The following LGR5 variants were observed in gnomAD, a reference collection of about 807,000 sequenced individuals.
LGR5 encodes the protein leucine rich repeat containing G protein-coupled receptor 5, also known as leucine-rich repeat-containing G protein-coupled receptor 5.
A neutral mutation model predicts 76.7 loss-of-function variants in LGR5; 54 were observed. That is an observed-to-expected ratio of 0.70 (90% CI 0.57 to 0.88). LGR5 has a LOEUF of 0.88. LGR5 is among the 40% of genes least tolerant of loss of function. LGR5 has a pLI of 0.00. For missense variants in LGR5, 1,078 were observed against 1,073.3 expected, an observed-to-expected ratio of 1.00 and a Z score of -0.06; for synonymous variants, 406 against 421.9, an observed-to-expected ratio of 0.96 and a Z score of 0.46.
At chr12:71,561,723 C>G in intron 7 of LGR5, 58 bp from the exon 8 acceptor site, 1 of 962,958 alleles carries the variant, frequency 1.0e-6, no homozygotes. Flanking sequence ...GGGTGGGGGC[C>G]TCTATTAAAT....
chr12:71,581,773 C>T (rs1474400826), intron 16 of LGR5, among the ~76,000 whole-genome samples: 1 of 152,196 alleles, frequency 6.6e-6, no homozygotes, highest in East Asian at 1.9e-4. Context: ...ACACAATGAA[C>T]AACACAGAGA....
chr12:71,571,934 G>C (rs748384850), intron 12 of LGR5, among the ~76,000 whole-genome samples: 1 of 152,000 alleles, frequency 6.6e-6, no homozygotes, highest in Non-Finnish European at 1.5e-5. Context: ...TAATATGTGG[G>C]GACTTGGGTT....
chr12:71,521,530 A>G (rs897210891), intron 2 of LGR5, among the ~76,000 whole-genome samples: 3 of 152,222 alleles, frequency 2.0e-5, no homozygotes, highest in Non-Finnish European at 4.4e-5. Context: ...AGAACAAGCA[A>G]TGTCTTTTTA....
intron 2 of LGR5, among the ~76,000 whole-genome samples, chr12:71,523,672 A>T (rs1875834139): frequency 6.6e-6 from 1 of 152,104 alleles, no homozygotes; most frequent in African/African-American, 2.4e-5. Context: ...ATACTGAATC[A>T]CATGTTTCAG....
intron 2 of LGR5, among the ~76,000 whole-genome samples, chr12:71,515,224 C>A (rs986355243): frequency 2.0e-5 from 3 of 152,162 alleles, no homozygotes; most frequent in Non-Finnish European, 4.4e-5. Flanking sequence ...AAAGCCAAAC[C>A]TATAAATGTA....
At chr12:71,552,857 G>C (rs1250979327) in intron 4 of LGR5, among the ~76,000 whole-genome samples, 2 of 152,012 alleles carry the variant, frequency 1.3e-5, no homozygotes, top group Non-Finnish European at 2.9e-5. Context: ...TAGCACCATG[G>C]AATTTTAGAG....
At position 71,458,966 on chromosome 12, in the gene LGR5, G is replaced by A. The variant is rs543582222; in HGVS notation, c.212+18674G>A. Among the ~76,000 whole-genome samples the A allele has an allele frequency of 3.3e-5, 5 of 152,134 alleles. No individual in the cohort carries two copies. The South Asian group carries it at 1.0e-3, about 32-fold the overall frequency. On this transcript the variant is annotated intron_variant, in intron 1 of 17. Transcript: ENST00000266674. ...GAAACGACATTTAATCTGAAACTTG[G>A]AGGATGAGTTAGAGTTAGCCAAGGA...
At chr12:71,456,855 T>C (rs1299463007) in intron 1 of LGR5, among the ~76,000 whole-genome samples, 1 of 152,160 alleles carries the variant, frequency 6.6e-6, no homozygotes, top group African/African-American at 2.4e-5. Context: ...AAGCCAAAGC[T>C]TTAGAAGCTG....
intron 1 of LGR5, among the ~76,000 whole-genome samples, chr12:71,465,537 C>G (rs1872830276): frequency 6.6e-6 from 1 of 152,152 alleles, no homozygotes; most frequent in South Asian, 2.1e-4. Flanking sequence ...TTAAACAAAA[C>G]TCAGTTTCCT....
intron 2 of LGR5, among the ~76,000 whole-genome samples, chr12:71,517,868 G>A (rs1244114307): frequency 6.6e-6 from 1 of 151,784 alleles, no homozygotes; most frequent in Non-Finnish European, 1.5e-5. Context: ...TATACATAAT[G>A]TAACCATAAG....
At chr12:71,566,072 TGCC>T (rs1878325733) in intron 8 of LGR5, among the ~76,000 whole-genome samples, 1 of 152,154 alleles carries the variant, frequency 6.6e-6, no homozygotes, top group Non-Finnish European at 1.5e-5. Context: ...ATTACCTTTT[TGCC>T]ACTCAATGGA....
At chr12:71,525,118 T>A (rs1169525259) in intron 3 of LGR5, among the ~76,000 whole-genome samples, 1 of 152,060 alleles carries the variant, frequency 6.6e-6, no homozygotes, top group Non-Finnish European at 1.5e-5. Context: ...TTGTTCTGTG[T>A]AGAAAAAAGA....
intron 8 of LGR5, among the ~76,000 whole-genome samples, chr12:71,565,962 G>A (rs1198088970): frequency 6.6e-6 from 1 of 152,114 alleles, no homozygotes; most frequent in East Asian, 1.9e-4. Flanking sequence ...TGAGTCTCTT[G>A]TGTATGTTAT....
intron 6 of LGR5, among the ~76,000 whole-genome samples, chr12:71,557,204 G>T (rs574222845): frequency 6.6e-6 from 1 of 152,320 alleles, no homozygotes; most frequent in East Asian, 1.9e-4. Context: ...AGGATCGCTT[G>T]AGCCCAGGAA....
chr12:71,540,119 C>A (rs999378879), intron 4 of LGR5, among the ~76,000 whole-genome samples: 2 of 152,260 alleles, frequency 1.3e-5, no homozygotes, highest in South Asian at 2.1e-4. Context: ...CCCTCCCATA[C>A]CCTCACACTT....
chr12:71,440,362 T>C lies in LGR5; in HGVS notation c.212+70T>C. On this transcript the variant is annotated intron_variant, in intron 1 of 17. Coordinates refer to ENST00000266674, the MANE Select transcript of LGR5 (RefSeq NM_003667.4). The surrounding 1 kb of genome is among the most constrained non-coding windows in gnomAD (Gnocchi z 5.3). ...AAGGAAGGTTCGTCCAAGGCGAGGC[T>C]GGAGGCTCCTCGGCGCCCGCCTGCT... The C allele has an allele frequency of 1.4e-6, 2 of 1,478,780 alleles. No homozygotes were observed. Among genetic ancestry groups the C allele is most frequent in the African/African-American group, 1.4e-5 (1 of 72,654 alleles). 91.6% of individuals were successfully genotyped at this position (1,478,780 alleles called of 1,614,324 possible).
chr12:71,572,986 C>A (rs1565772400), intron 13 of LGR5, 65 bp downstream of exon 13: 1 of 1,176,790 alleles, frequency 8.5e-7, no homozygotes, highest in Non-Finnish European at 1.3e-6. Context: ...GGGCCTTCCC[C>A]TAATGTTTTC....
At chr12:71,507,040 T>A (rs1874892480) in intron 2 of LGR5, among the ~76,000 whole-genome samples, 1 of 152,176 alleles carries the variant, frequency 6.6e-6, no homozygotes, top group Non-Finnish European at 1.5e-5. Context: ...GTAACAACAA[T>A]AATAGGTTAC....
chr12:71,571,292 TA>T (rs1878599237), intron 11 of LGR5: 1 of 389,500 alleles, frequency 2.6e-6, no homozygotes, highest in South Asian at 6.7e-5. Flanking sequence ...GTAAACTATT[TA>T]AATCAATTAA....
Sources: allele counts gnomAD v4.1 joint callset (sites outside exome capture counted in the v4.1 genomes callset), GRCh38; gene constraint gnomAD v4.1.1; non-coding constraint Gnocchi (gnomAD v3.1); transcripts MANE v1.5; gene names NCBI Gene and HGNC (gene_info 2026-07-23, HGNC 2026-07-21).